Variants in ISL2 observed in about 807,000 individuals in gnomAD.
ISL2 encodes the protein insulin gene enhancer protein ISL-2.
In ISL2, 17 loss-of-function variants were observed where a neutral mutation model predicts 34.6. The observed-to-expected ratio is 0.49, with a 90% CI of 0.34 to 0.74. ISL2 has a LOEUF of 0.74. Among genes scored for constraint, ISL2 ranks in the 30% least tolerant of loss-of-function variants. ISL2 has a pLI of 0.01. For missense variants in ISL2, 469 were observed against 515.2 expected (o/e 0.91, Z 0.87); for synonymous variants, 232 against 225.5 (o/e 1.03, Z -0.26).
At position 76,341,857 on chromosome 15, in the gene ISL2, C is replaced by A; in HGVS notation, c.*22C>A. On this transcript the variant is annotated 3_prime_UTR_variant, in exon 6 of 6. Coordinates refer to ENST00000290759, the MANE Select transcript of ISL2 (RefSeq NM_145805.3). ...GTGAGGGGGACCCCTCCCTGCCAGC[C>A]CGCGGACCTCGCATGCTCCCTGCAT... is the stretch of plus-strand genomic sequence containing the variant. 1 of 1,514,390 alleles carries A rather than the reference C, an allele frequency of 6.6e-7. No individual in the cohort carries two copies. Among genetic ancestry groups the A allele is most frequent in the African/African-American group, 1.4e-5 (1 of 73,102 alleles). The allele number at this position is 1,514,390 out of a possible 1,614,324, so 93.8% of individuals were successfully genotyped here. A position where few individuals can be genotyped will look rare whatever the true frequency, so the allele number is the denominator to read the frequency against.
rs758142132 is a variant in ISL2, at chr15:76,336,877, T to C, written c.-7T>C. The C allele has an allele frequency of 1.2e-5, 19 of 1,612,902 alleles. No individual in the cohort carries two copies. The East Asian group carries it at 3.1e-4, about 26-fold the overall frequency. On this transcript the variant is annotated 5_prime_UTR_variant, in exon 1 of 6. Coordinates refer to ENST00000290759, the MANE Select transcript of ISL2 (RefSeq NM_145805.3). The stretch of plus-strand genomic sequence containing the variant: ...GCCGCACACTTTGCGCACATCTCTT[T>C]TTCTGCATGGTGGATATTATTTTTC...
At position 76,338,314 on chromosome 15, in the gene ISL2, G is replaced by T; in HGVS notation, c.311G>T (p.Arg104Met). ...TTCAGCAGCAGCGACCTGGTGATGA[G>T]GGCGCGGGACAGCGTGTACCACATC... ...VGFSSSDLVMRARDSVYHIEC... is the reference protein window; with the variant it reads ...VGFSSSDLVMMARDSVYHIEC... Residue 104 changes from arginine to methionine, a missense_variant, in exon 3 of 6, where the codon AGG (arginine) becomes ATG (methionine). Around this residue, in one of 3 missense-constraint regions of ISL2, gnomAD observed 297 missense variants for 337.8 expected, o/e 0.88. Transcript: ENST00000290759. The T allele has an allele frequency of 6.3e-7, 1 of 1,584,424 alleles. No individual in the cohort carries two copies. The highest frequency in any genetic ancestry group is 1.7e-5 in the Admixed American group (1 of 58,718).
chr15:76,341,388 G>A, intron 5 of ISL2, 87 bp downstream of exon 5: 2 of 1,318,932 alleles, frequency 1.5e-6, no homozygotes. Flanking sequence ...GGAGGGGGTG[G>A]CCTTGGGCTG....
chr15:76,341,719 GTCTCCT>G lies in ISL2; in HGVS notation c.970_975del (p.Phe324_Ser325del). On this transcript the variant is annotated inframe_deletion and splice_region_variant, in exon 6 of 6. Transcript: ENST00000290759. ...CTTCCCGGTGTTTCCGCCGCCCCAG[GTCTCCT>G]TCTCCGAGTCCGGCTCCCTAGGCAA... is the stretch of plus-strand genomic sequence containing the variant. The G allele has an allele frequency of 6.2e-7, 1 of 1,610,542 alleles. No individual in the cohort carries two copies. Among genetic ancestry groups the G allele is most frequent in the Non-Finnish European group, 8.5e-7 (1 of 1,176,904 alleles).
chr15:76,337,822 C>A lies in ISL2; in HGVS notation c.103C>A (p.His35Asn). ...GTGCGTGGGCTGCGGGAGTCAGATC[C>A]ACGACCAGTTTATCCTGCGGGTGTC... ...AMCVGCGSQIHDQFILRVSPD... is the reference protein window; with the variant it reads ...AMCVGCGSQINDQFILRVSPD... Residue 35 changes from histidine to asparagine, a missense_variant, in exon 2 of 6, where the codon CAC becomes AAC. Around this residue, in one of 3 missense-constraint regions of ISL2, gnomAD observed 297 missense variants for 337.8 expected, o/e 0.88. Transcript: ENST00000290759. The A allele has an allele frequency of 6.2e-7, 1 of 1,611,124 alleles. No individual in the cohort carries two copies.
chr15:76,341,632 A>C, intron 5 of ISL2, 87 bp from the exon 6 acceptor site: 1 of 1,012,624 alleles, frequency 9.9e-7, no homozygotes. Context: ...TCCCCAAGGG[A>C]CACTTTCCGA....
In ISL2 at chr15:76,338,408, C is replaced by G. The variant is rs1190482640; in HGVS notation, c.405C>G (p.His135Gln). ...GGGACGAGTTCTCGCTGCGGGAGCA[C>G]GAGCTGCTCTGCCGCGCCGACCACG... ...LPGDEFSLRE[H>Q]ELLCRADHGL... The change falls in exon 3 of 6, where the codon CAC becomes CAG. Residue 135 changes from histidine (H) to glutamine (Q), a missense_variant. Coordinates refer to ENST00000290759, the MANE Select transcript of ISL2 (RefSeq NM_145805.3). 5.9e-6 allele frequency: 9 copies of G among 1,524,894 alleles called. No individual in the cohort carries two copies. The highest frequency in any genetic ancestry group is 7.9e-6 in the Non-Finnish European group (9 of 1,145,802). 94.5% of individuals were successfully genotyped at this position (1,524,894 alleles called of 1,614,324 possible).
In ISL2 at chr15:76,340,302, T is replaced by C. The variant is rs779709262; in HGVS notation, c.538T>C (p.Leu180=). The C allele has an allele frequency of 3.7e-6, 6 of 1,608,480 alleles. No individual in the cohort carries two copies. The highest frequency in any genetic ancestry group is 2.7e-5 in the African/African-American group (2 of 74,874). Residue 180 remains leucine, a synonymous_variant, in exon 4 of 6, where the codon TTG becomes CTG. Coordinates refer to ENST00000290759, the MANE Select transcript of ISL2 (RefSeq NM_145805.3). Reference sequence around the variant, plus strand: ...CGCTGGGTCGGGCCGGCAGCCCGCGTTGCGCCCGCACGTGCACAAGCAGAC... The same window carrying C: ...CGCTGGGTCGGGCCGGCAGCCCGCGCTGCGCCCGCACGTGCACAAGCAGAC... ...PDAGSGRQPA[L]RPHVHKQTEK...
At position 76,339,238 on chromosome 15, in the gene ISL2, G is replaced by T. The variant is rs140785585; in HGVS notation, c.511+724G>T. On this transcript the variant is annotated intron_variant, in intron 3 of 5. Coordinates refer to ENST00000290759, the MANE Select transcript of ISL2 (RefSeq NM_145805.3). ...CCTGCAGCACAGATCCGTAGACCAGGCTGGGCCTCTGGGTGCTGTGTGGCC... is the reference window on the plus strand; with the variant it reads ...CCTGCAGCACAGATCCGTAGACCAGTCTGGGCCTCTGGGTGCTGTGTGGCC... 1.2e-3 allele frequency: 1,168 copies of T among 985,392 alleles called. 15 individuals are homozygous for T. In the African/African-American group the frequency reaches 0.019, roughly 16 times the overall value. The allele number at this position is 985,392 out of a possible 1,614,324, so 61.0% of individuals were successfully genotyped here. A position where few individuals can be genotyped will look rare whatever the true frequency, so the allele number is the denominator to read the frequency against.
rs575137002 is a variant in ISL2 at position 76,341,593 on chromosome 15, C to A, written c.964-126C>A. The A allele has an allele frequency of 3.8e-5, 30 of 790,222 alleles. No homozygotes were observed. The African/African-American group carries it at 4.6e-4, about 12-fold the overall frequency. The allele number at this position is 790,222 out of a possible 1,614,324, so 49.0% of individuals were successfully genotyped here. The stretch of plus-strand genomic sequence containing the variant: ...CGCCTGGGGACCTGGCCTCCTTCTC[C>A]GCAGGGCTTGCTCTCAGCTGGCGGC... On this transcript the variant is annotated intron_variant, in intron 5 of 5. Transcript: ENST00000290759.
Position 76,341,887 on chromosome 15 carries a change from C to T in ISL2, c.*52C>T. ...GACCTCGCATGCTCCCTGCATGAGA[C>T]TCACCCATGCTCAGGCCATTCCAGT... On this transcript the variant is annotated 3_prime_UTR_variant, in exon 6 of 6. Transcript: ENST00000290759. 2 of 1,109,318 alleles carry T rather than the reference C, an allele frequency of 1.8e-6. No individual in the cohort carries two copies. Among genetic ancestry groups the T allele is most frequent in the Non-Finnish European group, 1.4e-6 (1 of 723,526 alleles). 68.7% of individuals were successfully genotyped at this position (1,109,318 alleles called of 1,614,324 possible).
chr15:76,341,706 TCCG>T lies in ISL2; in HGVS notation c.964-7_964-5del. The T allele has an allele frequency of 6.3e-7, 1 of 1,595,720 alleles. No individual in the cohort carries two copies. Among genetic ancestry groups the T allele is most frequent in the Non-Finnish European group, 8.6e-7 (1 of 1,163,564 alleles). On this transcript the variant is annotated splice_polypyrimidine_tract_variant and intron_variant, in intron 5 of 5. Transcript: ENST00000290759. ...TCTTCACCTGCCTCTTCCCGGTGTT[TCCG>T]CCGCCCCAGGTCTCCTTCTCCGAGT...
At position 76,340,463 on chromosome 15, in the gene ISL2, G is replaced by C. The variant is rs771795756; in HGVS notation, c.699G>C (p.Arg233=). ...QLVEMTGLSP[R]VIRVWFQNKR... ...TGGAGATGACCGGCCTGAGCCCGCG[G>C]GTCATCCGCGTCTGGTTCCAGAACA... The change falls in exon 4 of 6, where the codon CGG becomes CGC. Residue 233 remains arginine (R), a synonymous_variant. Transcript: ENST00000290759. The C allele has an allele frequency of 5.6e-6, 9 of 1,613,710 alleles. No homozygotes were observed. Among genetic ancestry groups the C allele is most frequent in the Non-Finnish European group, 7.6e-6 (9 of 1,180,012 alleles).
At chr15:76,339,312 G>A in intron 3 of ISL2, 2 of 984,478 alleles carry the variant, frequency 2.0e-6, no homozygotes, top group Non-Finnish European at 2.4e-6. Context: ...CCTATAGAAA[G>A]AGGAAACTGG....
rs1022149497 is a variant in ISL2, at chr15:76,342,264, A to G, written c.*429A>G. 2 of 164,028 alleles carry G rather than the reference A, an allele frequency of 1.2e-5. No homozygotes were observed. Among genetic ancestry groups the G allele is most frequent in the African/African-American group, 4.8e-5 (2 of 41,834 alleles). The allele number at this position is 164,028 out of a possible 1,614,324, so 10.2% of individuals were successfully genotyped here. A position where few individuals can be genotyped will look rare whatever the true frequency, so the allele number is the denominator to read the frequency against. ...GCGGGGAAAAGGAAGGGGATAACTC[A>G]GAGGAACAGACACTCAAACTCCCAA... On this transcript the variant is annotated 3_prime_UTR_variant, in exon 6 of 6. Coordinates refer to ENST00000290759, the MANE Select transcript of ISL2 (RefSeq NM_145805.3).
In ISL2 at chr15:76,338,336, C is replaced by T. The variant is rs778477731; in HGVS notation, c.333C>T (p.His111=). The change falls in exon 3 of 6, where the codon CAC becomes CAT. Residue 111 remains histidine, a synonymous_variant. Coordinates refer to ENST00000290759, the MANE Select transcript of ISL2 (RefSeq NM_145805.3). ...TGAGGGCGCGGGACAGCGTGTACCACATCGAGTGCTTCCGCTGCTCCGTGT... is the reference window on the plus strand; with the variant it reads ...TGAGGGCGCGGGACAGCGTGTACCATATCGAGTGCTTCCGCTGCTCCGTGT... ...LVMRARDSVY[H]IECFRCSVCS... 5.7e-6 allele frequency: 9 copies of T among 1,576,006 alleles called. No individual in the cohort carries two copies. In the South Asian group the frequency reaches 1.0e-4, roughly 18 times the overall value.
Position 76,337,890 on chromosome 15 carries a change from G to C in ISL2, c.171G>C (p.Glu57Asp). 1 of 1,612,708 alleles carries C rather than the reference G, an allele frequency of 6.2e-7. No individual in the cohort carries two copies. Among genetic ancestry groups the C allele is most frequent in the South Asian group, 1.1e-5 (1 of 91,032 alleles). The change falls in exon 2 of 6, where the codon GAG becomes GAC. Residue 57 changes from glutamate (E) to aspartate (D), a missense_variant. By Grantham distance (45) the Glu-to-Asp change is conservative. Transcript: ENST00000290759. ...ACGCGGCCTGCCTCAAGTGTGCCGA[G>C]TGCAGCCAGTACCTGGACGAGACGT... ...EWHAACLKCA[E>D]CSQYLDETCT...
At chr15:76,339,550 C>T in intron 3 of ISL2, 1 of 985,586 alleles carries the variant, frequency 1.0e-6, no homozygotes, top group Non-Finnish European at 1.2e-6. Flanking sequence ...GTCACTGTTT[C>T]CCCGGGATGG....
Position 76,341,970 on chromosome 15 carries a change from G to C in ISL2, c.*135G>C. 1.5e-6 allele frequency: 1 copy of C among 681,094 alleles called. No homozygotes were observed. The highest frequency in any genetic ancestry group is 2.6e-6 in the Non-Finnish European group (1 of 382,644). The allele number at this position is 681,094 out of a possible 1,614,324, so 42.2% of individuals were successfully genotyped here. On this transcript the variant is annotated 3_prime_UTR_variant, in exon 6 of 6. Transcript: ENST00000290759. ...ATTGTTATTTATGAGAGAGTACCGAGAGACACGGTCTGGACAGCCCAAGGC... is the reference window on the plus strand; with the variant it reads ...ATTGTTATTTATGAGAGAGTACCGACAGACACGGTCTGGACAGCCCAAGGC...
Sources: allele counts gnomAD v4.1 joint callset, GRCh38; gene constraint gnomAD v4.1.1; regional missense constraint gnomAD v4.1.1; transcripts MANE v1.5; gene names NCBI Gene and HGNC (gene_info 2026-07-23, HGNC 2026-07-21).